The following SCHIP1 variants were observed in gnomAD, a reference collection of about 807,000 sequenced individuals.
SCHIP1 encodes schwannomin interacting protein 1, also known as schwannomin-interacting protein 1.
In SCHIP1, 8 loss-of-function variants were observed where a neutral mutation model predicts 29.7. That is an observed-to-expected ratio of 0.27 (90% confidence interval 0.16 to 0.49). SCHIP1 has a LOEUF of 0.49. Among genes scored for constraint, SCHIP1 ranks in the 20% least tolerant of loss-of-function variants. The pLI is 0.99. For synonymous variants in SCHIP1, 76 were observed against 94.9 expected (o/e 0.80, Z 1.16); for missense variants, 193 against 294.6 (o/e 0.66, Z 2.52).
the SCHIP1 span, among the ~76,000 whole-genome samples, chr3:159,352,128 G>A: frequency 6.6e-6 from 1 of 152,194 alleles, no homozygotes; most frequent in Non-Finnish European, 1.5e-5. Flanking sequence ...GGGACCTTGT[G>A]CTTCAGCACT....
chr3:159,505,881 T>A, the SCHIP1 span, among the ~76,000 whole-genome samples: 1 of 152,234 alleles, frequency 6.6e-6, no homozygotes, highest in African/African-American at 2.4e-5. Flanking sequence ...TTGTTGGGCA[T>A]TTGGGTTGGT....
chr3:159,315,197 C>CTTT, the SCHIP1 span, among the ~76,000 whole-genome samples: 1 of 91,084 alleles, frequency 1.1e-5, no homozygotes, highest in Admixed American at 1.1e-4. Context: ...TTTAGGACTT[C>CTTT]TTTTTTTTTT....
At chr3:159,344,178 A>T in the SCHIP1 span, among the ~76,000 whole-genome samples, 27 of 152,044 alleles carry the variant, frequency 1.8e-4, no homozygotes, top group Admixed American at 1.2e-3. Flanking sequence ...AAAATTAGCC[A>T]GGCATGATGG....
At chr3:159,828,427 A>C in the SCHIP1 span, among the ~76,000 whole-genome samples, 1 of 88,698 alleles carries the variant, frequency 1.1e-5, no homozygotes, top group Non-Finnish European at 2.3e-5. Flanking sequence ...ACGTATATAT[A>C]TACGTATATA....
chr3:159,454,740 T>C, the SCHIP1 span, among the ~76,000 whole-genome samples: 4 of 152,276 alleles, frequency 2.6e-5, no homozygotes, highest in East Asian at 3.9e-4. Context: ...TGAAGTCTGA[T>C]AAAAAACCAG....
chr3:159,368,749 C>T, the SCHIP1 span, among the ~76,000 whole-genome samples: 6 of 152,094 alleles, frequency 3.9e-5, no homozygotes, highest in Non-Finnish European at 8.8e-5. Context: ...AGAAATGATG[C>T]GGCTCAGTTT....
the SCHIP1 span, among the ~76,000 whole-genome samples, chr3:159,368,045 G>GTCTT: frequency 6.6e-6 from 1 of 152,134 alleles, no homozygotes; most frequent in Non-Finnish European, 1.5e-5. Flanking sequence ...CTTAGGAGGA[G>GTCTT]TCTTTCTAAC....
the SCHIP1 span, among the ~76,000 whole-genome samples, chr3:159,750,294 TATACACACAC>T: frequency 1.5e-5 from 2 of 136,226 alleles, no homozygotes; most frequent in East Asian, 2.2e-4. Context: ...TATATATATA[TATACACACAC>T]ACACACACAC....
the SCHIP1 span, among the ~76,000 whole-genome samples, chr3:159,686,013 G>A: frequency 1.2e-4 from 18 of 152,242 alleles, no homozygotes; most frequent in African/African-American, 4.1e-4. Flanking sequence ...CTGAGCTATG[G>A]CTACAATGGA....
At chr3:159,539,737 T>C in the SCHIP1 span, among the ~76,000 whole-genome samples, 1 of 135,974 alleles carries the variant, frequency 7.4e-6, no homozygotes, top group Non-Finnish European at 1.7e-5. Context: ...GTACATTATT[T>C]TCTCCTCTGA....
At chr3:159,488,403 G>A in the SCHIP1 span, among the ~76,000 whole-genome samples, 1 of 152,098 alleles carries the variant, frequency 6.6e-6, no homozygotes, top group African/African-American at 2.4e-5. Flanking sequence ...TGATGTGATT[G>A]TTACACTTTG....
At chr3:159,496,647 A>G in the SCHIP1 span, among the ~76,000 whole-genome samples, 1 of 152,204 alleles carries the variant, frequency 6.6e-6, no homozygotes, top group Non-Finnish European at 1.5e-5. Context: ...ACACTTTTAC[A>G]CTGTTGGTGG....
chr3:159,428,943 A>C, the SCHIP1 span, among the ~76,000 whole-genome samples: 2 of 151,994 alleles, frequency 1.3e-5, no homozygotes, highest in African/African-American at 2.4e-5. Context: ...AACTATCGCA[A>C]GAACAAAAAG....
the SCHIP1 span, among the ~76,000 whole-genome samples, chr3:159,473,872 CTACA>C: frequency 6.6e-6 from 1 of 151,962 alleles, no homozygotes; most frequent in Non-Finnish European, 1.5e-5. Context: ...ATTTTAAGTG[CTACA>C]TAGTTTACAT....
the SCHIP1 span, chr3:159,275,117 A>G: frequency 1.1e-6 from 1 of 951,532 alleles, no homozygotes; most frequent in African/African-American, 1.8e-5. Context: ...AGGAGACCTT[A>G]GTATACATTT....
At chr3:159,714,612 CG>C in the SCHIP1 span, among the ~76,000 whole-genome samples, 1 of 152,344 alleles carries the variant, frequency 6.6e-6, no homozygotes, top group East Asian at 1.9e-4. Context: ...GTGCCTGGCT[CG>C]GAGGGTCCTA....
At chr3:159,430,785 C>T in the SCHIP1 span, among the ~76,000 whole-genome samples, 1,093 of 152,142 alleles carry the variant, frequency 7.2e-3, 12 homozygotes, top group African/African-American at 0.025. Flanking sequence ...TGAGATAGAG[C>T]GGGCAAGTGG....
At chr3:159,301,945 G>T in the SCHIP1 span, among the ~76,000 whole-genome samples, 2 of 152,134 alleles carry the variant, frequency 1.3e-5, no homozygotes, top group Admixed American at 6.5e-5. Flanking sequence ...GCATAAATCC[G>T]TACTGGAAGT....
At chr3:159,382,774 T>C in the SCHIP1 span, among the ~76,000 whole-genome samples, 12 of 152,212 alleles carry the variant, frequency 7.9e-5, no homozygotes, top group African/African-American at 2.9e-4. Flanking sequence ...ACCTGCTGTT[T>C]CTTGACCTTT....
Sources: allele counts gnomAD v4.1 joint callset (sites outside exome capture counted in the v4.1 genomes callset), GRCh38; gene constraint gnomAD v4.1.1; transcripts MANE v1.5; gene names NCBI Gene and HGNC (gene_info 2026-07-23, HGNC 2026-07-21).